SLC12A5: variants seen among roughly 807,000 people sequenced by gnomAD.
The protein encoded by SLC12A5 is solute carrier family 12 member 5, also known as K-Cl cotransporter 2.
SLC12A5 carries 18 observed loss-of-function variants against 124.0 expected under a neutral mutation model. That is an observed-to-expected ratio of 0.15 (90% CI 0.10 to 0.22). The LOEUF is 0.22. Ranked by LOEUF, SLC12A5 falls within the 10% of genes least tolerant of loss-of-function variation. The pLI, the probability that SLC12A5 is intolerant of heterozygous loss-of-function variation, is 1.00. For missense variants in SLC12A5, 867 were observed against 1,478.7 expected, an observed-to-expected ratio of 0.59 and a Z score of 6.78; for synonymous variants, 589 against 568.0, an observed-to-expected ratio of 1.04 and a Z score of -0.53.
At chr20:46,023,875 G>A (rs1369519026), downstream of SLC12A5, among the ~76,000 whole-genome samples, 10 of 152,150 alleles carry the variant, frequency 6.6e-5, no homozygotes, top group Non-Finnish European at 1.5e-4. Flanking sequence ...CTGGCACTTA[G>A]TAGGTGTGTA....
rs2084692540 is a variant in SLC12A5, at chr20:46,056,301, C to A, written c.2910+29C>A. 8 of 1,613,496 alleles carry A rather than the reference C, an allele frequency of 5.0e-6. No homozygotes were observed. The South Asian group carries it at 7.7e-5, about 16-fold the overall frequency. On this transcript the variant is annotated intron_variant, in intron 22 of 25. Coordinates refer to ENST00000243964, the MANE Select transcript of SLC12A5 (RefSeq NM_020708.5). This position sits in a 1 kb window ranked among gnomAD's most constrained non-coding sequence, Gnocchi z 4.3. ...TGCAGCTTGGGTGGTTTGGCCCCAA[C>A]CAGTGGGAGCAGAGCCCTTGGCCTC...
At position 46,045,812 on chromosome 20, in the gene SLC12A5, G is replaced by A. The variant is rs2084590043; in HGVS notation, c.1570-66G>A. 1.2e-5 allele frequency: 16 copies of A among 1,345,062 alleles called. No homozygotes were observed. The highest frequency in any genetic ancestry group is 6.1e-5 in the South Asian group (5 of 81,618). 83.3% of individuals were successfully genotyped at this position (1,345,062 alleles called of 1,614,324 possible). On this transcript the variant is annotated intron_variant, in intron 12 of 25. Transcript: ENST00000243964. The surrounding 1 kb of genome is among the most constrained non-coding windows in gnomAD (Gnocchi z 4.9). ...TCCTGCCTCTACTCCACTGGTTCCC[G>A]AGGCTAGGGGAGAGGGCTGAGAAAT... is the stretch of plus-strand genomic sequence containing the variant.
At position 46,022,941 on chromosome 20, in the gene SLC12A5, AGG is replaced by A. The variant is rs1568852669; in HGVS notation, c.63_64del (p.Gly22ArgfsTer108). On this transcript the variant is annotated frameshift_variant, in exon 2 of 3. Coordinates refer to the SLC12A5 transcript ENST00000413737. LOFTEE classifies it high-confidence loss of function. ...GAATCGGCTTGTAGTGGCCCCAGCGAGGGGAGGAGGAGGAGGAGGAGGAGGAG... is the reference window on the plus strand; with the variant it reads ...GAATCGGCTTGTAGTGGCCCCAGCGAGGAGGAGGAGGAGGAGGAGGAGGAG... 4.1e-5 allele frequency: 10 copies of A among 246,400 alleles called. No individual in the cohort carries two copies. In the South Asian group the frequency reaches 2.5e-3, roughly 62 times the overall value. The allele number at this position is 246,400 out of a possible 1,614,324, so 15.3% of individuals were successfully genotyped here.
chr20:46,026,605 G>A (rs1174795613), upstream of SLC12A5, among the ~76,000 whole-genome samples: 2 of 152,226 alleles, frequency 1.3e-5, no homozygotes, highest in East Asian at 3.8e-4. Context: ...CCTTAGGAAG[G>A]GATATGTGGC....
At chr20:46,033,950 AT>A (rs59189055) in intron 1 of SLC12A5, among the ~76,000 whole-genome samples, 20 of 149,110 alleles carry the variant, frequency 1.3e-4, no homozygotes, top group Admixed American at 3.3e-4. Context: ...TATTCATGGT[AT>A]TTTTTTTTTG....
chr20:46,028,557 A>T (rs77797882), upstream of SLC12A5, among the ~76,000 whole-genome samples: 1 of 152,142 alleles, frequency 6.6e-6, no homozygotes, highest in Non-Finnish European at 1.5e-5. Flanking sequence ...TTTAAGACAG[A>T]TTGGGTCAGT....
rs1295018004 is a variant in SLC12A5 at position 46,057,476 on chromosome 20, G to A, written c.3260-38G>A. On this transcript the variant is annotated intron_variant, in intron 25 of 25. Coordinates refer to ENST00000243964, the MANE Select transcript of SLC12A5 (RefSeq NM_020708.5). The surrounding 1 kb of genome is among the most constrained non-coding windows in gnomAD (Gnocchi z 7.1). Reference sequence around the variant, plus strand: ...AGCGCGACCCCAATTTCGTCGGGAGGGAAGGAGACCGGGTCTTTCTCCTTG... The same window carrying A: ...AGCGCGACCCCAATTTCGTCGGGAGAGAAGGAGACCGGGTCTTTCTCCTTG... 5 of 1,609,946 alleles carry A rather than the reference G, an allele frequency of 3.1e-6. No individual in the cohort carries two copies. In the Admixed American group the frequency reaches 6.7e-5, roughly 21 times the overall value.
At chr20:46,041,956 G>T (rs766489298) in intron 8 of SLC12A5, among the ~76,000 whole-genome samples, 3 of 152,078 alleles carry the variant, frequency 2.0e-5, no homozygotes, top group Non-Finnish European at 4.4e-5. Context: ...GTATAAGATG[G>T]CAATAGGCTT....
chr20:46,041,414 A>G lies in SLC12A5; in HGVS notation c.940A>G (p.Thr314Ala), dbSNP rs1346359518. 6.2e-7 allele frequency: 1 copy of G among 1,613,986 alleles called. No individual in the cohort carries two copies. The highest frequency in any genetic ancestry group is 8.5e-7 in the Non-Finnish European group (1 of 1,180,008). ...KLAWEGNETV[T>A]TRLWGLFCSS... ...GGCTTGGGAAGGAAATGAGACGGTG[A>G]CCACACGGCTATGGGGCCTTTTCTG... The change falls in exon 8 of 26, where the codon ACC becomes GCC. Residue 314 changes from threonine to alanine, a missense_variant. Coordinates refer to ENST00000243964, the MANE Select transcript of SLC12A5 (RefSeq NM_020708.5).
At chr20:46,029,858 C>CTCTGTG (rs770993329) in intron 1 of SLC12A5, among the ~76,000 whole-genome samples, 2 of 133,000 alleles carry the variant, frequency 1.5e-5, no homozygotes, top group Non-Finnish European at 3.1e-5. Context: ...GAAGAGGTGG[C>CTCTGTG]TGTGTGTGTG....
rs12481488 is a variant in SLC12A5, at chr20:46,048,088, T to A, written c.2012+3T>A. On this transcript the variant is annotated splice_donor_region_variant and intron_variant, in intron 16 of 25. Transcript: ENST00000243964. ...CCCCCACACACCAAGAACTGGAGGT[T>A]AGTGGTGAGGGCACGGGTGTGCATA... 0.027 allele frequency: 44,224 copies of A among 1,608,780 alleles called. 1,049 individuals carry two copies. Among genetic ancestry groups the A allele is most frequent in the Admixed American group, 0.12 (7,299 of 59,226 alleles).
chr20:46,048,646 G>A (rs2084620809), intron 16 of SLC12A5, among the ~76,000 whole-genome samples: 1 of 152,116 alleles, frequency 6.6e-6, no homozygotes, highest in Non-Finnish European at 1.5e-5. Context: ...TGAGGCAGGT[G>A]GATCACTTGA....
At chr20:46,042,139 C>A (rs2084553631) in intron 8 of SLC12A5, among the ~76,000 whole-genome samples, 1 of 152,148 alleles carries the variant, frequency 6.6e-6, no homozygotes, top group East Asian at 1.9e-4. Context: ...GCATAAAGAG[C>A]AAAATAAGGT....
At chr20:46,033,367 C>T (rs948359067) in intron 1 of SLC12A5, among the ~76,000 whole-genome samples, 5 of 152,088 alleles carry the variant, frequency 3.3e-5, no homozygotes, top group Non-Finnish European at 5.9e-5. Context: ...GAATTCAGCC[C>T]CGGAATTGAG....
chr20:46,059,871 C>A lies in SLC12A5; in HGVS notation c.*2266C>A. The A allele has an allele frequency of 2.6e-6, 1 of 381,476 alleles. No individual in the cohort carries two copies. 23.6% of individuals were successfully genotyped at this position (381,476 alleles called of 1,614,324 possible). ...CAGGGCAATGCAATGAAGTTGAAAA[C>A]CCTTGTAAATAGGAGAGGTTGCAAA... On this transcript the variant is annotated 3_prime_UTR_variant, in exon 26 of 26. Coordinates refer to ENST00000243964, the MANE Select transcript of SLC12A5 (RefSeq NM_020708.5).
chr20:46,022,048 G>A, intron 1 of SLC12A5: 1 of 913,276 alleles, frequency 1.1e-6, no homozygotes, highest in Non-Finnish European at 1.5e-6. Context: ...GAAACCAAGG[G>A]GCCGGGGCCG....
chr20:46,044,897 G>A (rs959049062), intron 11 of SLC12A5, 69 bp from the exon 12 acceptor site: 2 of 1,585,990 alleles, frequency 1.3e-6, no homozygotes. Context: ...TCTGTAGTTG[G>A]TATGGAGACC....
chr20:46,051,652 C>G lies in SLC12A5; in HGVS notation c.2182-23C>G, dbSNP rs1340880395. On this transcript the variant is annotated intron_variant, in intron 17 of 25. Transcript: ENST00000243964. ...GGGCCAGGGAGGCCTGAGGCTGGTCCTTGTCTTTTCCCCCTCCCCTAGTCT... is the reference window on the plus strand; with the variant it reads ...GGGCCAGGGAGGCCTGAGGCTGGTCGTTGTCTTTTCCCCCTCCCCTAGTCT... 8 of 1,595,506 alleles carry G rather than the reference C, an allele frequency of 5.0e-6. No homozygotes were observed. In the Admixed American group the frequency reaches 9.0e-5, roughly 18 times the overall value.
chr20:46,039,786 C>A lies in SLC12A5; in HGVS notation c.613-587C>A, dbSNP rs6104437. 2.0e-5 allele frequency among the ~76,000 whole-genome samples: 3 copies of A among 150,158 alleles called. No homozygotes were observed. The East Asian group carries it at 5.8e-4, about 29-fold the overall frequency. On this transcript the variant is annotated intron_variant, in intron 6 of 25. Coordinates refer to ENST00000243964, the MANE Select transcript of SLC12A5 (RefSeq NM_020708.5). ...ACAAAACTTTATTTCAAAAAAAAAA[C>A]AAAAAAACCACCACCACAATAAAAA...
Sources: allele counts gnomAD v4.1 joint callset (sites outside exome capture counted in the v4.1 genomes callset), GRCh38; gene constraint gnomAD v4.1.1; non-coding constraint Gnocchi (gnomAD v3.1); transcripts MANE v1.5; gene names NCBI Gene and HGNC (gene_info 2026-07-23, HGNC 2026-07-21).